Variants in CSNK1G1 observed in about 807,000 individuals in gnomAD.
CSNK1G1 encodes the protein casein kinase 1 gamma 1.
A neutral mutation model predicts 59.6 loss-of-function variants in CSNK1G1; 22 were observed. The observed-to-expected ratio is 0.37, with a 90% CI of 0.26 to 0.53. The LOEUF is 0.53. Ranked by LOEUF, CSNK1G1 falls within the 20% of genes least tolerant of loss-of-function variation. The pLI, the probability that CSNK1G1 is intolerant of heterozygous loss-of-function variation, is 0.89. For missense variants in CSNK1G1, 384 were observed against 519.5 expected (o/e 0.74, Z 2.54); for synonymous variants, 179 against 177.1 (o/e 1.01, Z -0.08).
Position 64,289,624 on chromosome 15 carries a change from TAA to T in CSNK1G1, c.181+10693_181+10694del, listed in dbSNP as rs368512741. Among the ~76,000 whole-genome samples, 426 of 151,990 alleles carry T rather than the reference TAA, an allele frequency of 2.8e-3. 1 individual carries two copies. The highest frequency in any genetic ancestry group is 9.9e-3 in the African/African-American group (412 of 41,454). ...AAAAGCATCTGCACAGCAAAAGAAA[TAA>T]GAGAGTGAACAGACAACCTGCTGAA... On this transcript the variant is annotated intron_variant, in intron 2 of 11. Transcript: ENST00000303052.
chr15:64,218,850 G>A (rs944761212), intron 4 of CSNK1G1, among the ~76,000 whole-genome samples: 2 of 130,256 alleles, frequency 1.5e-5, no homozygotes, highest in Non-Finnish European at 3.1e-5. Flanking sequence ...TTAATTTGAA[G>A]TGTTTTTTTT....
intron 4 of CSNK1G1, among the ~76,000 whole-genome samples, chr15:64,246,382 G>T (rs958950820): frequency 2.0e-5 from 3 of 152,082 alleles, no homozygotes; most frequent in Admixed American, 6.6e-5. Context: ...AGCACTTTGG[G>T]CAGCCAAGGT....
intron 10 of CSNK1G1, among the ~76,000 whole-genome samples, chr15:64,196,612 G>C (rs147917590): frequency 2.6e-5 from 4 of 151,736 alleles, no homozygotes; most frequent in Non-Finnish European, 5.9e-5. Context: ...CCACCATGCC[G>C]GGCTAATTTT....
At chr15:64,260,485 C>A (rs900174178) in intron 2 of CSNK1G1, among the ~76,000 whole-genome samples, 1 of 151,998 alleles carries the variant, frequency 6.6e-6, no homozygotes, top group Non-Finnish European at 1.5e-5. Context: ...GTGGTGTAAT[C>A]CCAACACTTT....
intron 2 of CSNK1G1, chr15:64,265,889 G>C (rs1206984013): frequency 2.2e-6 from 1 of 452,246 alleles, no homozygotes; most frequent in Non-Finnish European, 4.4e-6. Context: ...TTTGAGAGCA[G>C]CTAAGCAACA....
chr15:64,280,318 T>G (rs985733287), intron 2 of CSNK1G1, among the ~76,000 whole-genome samples: 9 of 151,882 alleles, frequency 5.9e-5, no homozygotes, highest in African/African-American at 1.9e-4. Context: ...TGAGCTGATA[T>G]AACAATCGTC....
intron 1 of CSNK1G1, among the ~76,000 whole-genome samples, chr15:64,350,236 G>A (rs1334470326): frequency 1.3e-5 from 2 of 152,134 alleles, no homozygotes; most frequent in Non-Finnish European, 1.5e-5. Context: ...GCTCACACCT[G>A]TAATCCCAGC....
At chr15:64,228,376 G>A (rs1027701710) in intron 4 of CSNK1G1, among the ~76,000 whole-genome samples, 2 of 152,208 alleles carry the variant, frequency 1.3e-5, no homozygotes, top group Admixed American at 6.5e-5. Flanking sequence ...ACCCGGGCAC[G>A]GTGGCTCACG....
intron 4 of CSNK1G1, among the ~76,000 whole-genome samples, chr15:64,220,720 T>G (rs141551289): frequency 0.014 from 2,073 of 152,104 alleles, 27 homozygotes; most frequent in Middle Eastern, 0.041. Flanking sequence ...CTAATTTTTT[T>G]TTTGTTTGTT....
At chr15:64,277,238 G>C (rs2140358526) in intron 2 of CSNK1G1, among the ~76,000 whole-genome samples, 1 of 152,232 alleles carries the variant, frequency 6.6e-6, no homozygotes, top group South Asian at 2.1e-4. Context: ...GTCAAGGTGA[G>C]AGAATCACTT....
Position 64,271,330 on chromosome 15 carries a change from G to A in CSNK1G1, c.182-12089C>T, listed in dbSNP as rs144126121. On this transcript the variant is annotated intron_variant, in intron 2 of 11. Coordinates refer to ENST00000303052, the MANE Select transcript of CSNK1G1 (RefSeq NM_022048.5). Reference sequence around the variant, plus strand: ...TGAGACAGGGTCTCACTCTGTCACCGAGGCTGGACTACAATGGCCCCATCT... The same window carrying A: ...TGAGACAGGGTCTCACTCTGTCACCAAGGCTGGACTACAATGGCCCCATCT... Among the ~76,000 whole-genome samples the A allele has an allele frequency of 2.0e-3, 305 of 151,476 alleles. 2 individuals are homozygous for A. The highest frequency in any genetic ancestry group is 7.1e-3 in the African/African-American group (291 of 41,246).
intron 4 of CSNK1G1, among the ~76,000 whole-genome samples, chr15:64,221,325 A>G (rs976565832): frequency 6.6e-6 from 1 of 152,204 alleles, no homozygotes; most frequent in African/African-American, 2.4e-5. Flanking sequence ...CCTTAGTATC[A>G]AATCTAGATT....
At position 64,176,111 on chromosome 15, in the gene CSNK1G1, C is replaced by T. The variant is rs1415095233; in HGVS notation, c.1215-4126G>A. Among the ~76,000 whole-genome samples the T allele has an allele frequency of 3.3e-5, 5 of 152,178 alleles. No homozygotes were observed. The East Asian group carries it at 9.6e-4, about 29-fold the overall frequency. On this transcript the variant is annotated intron_variant, in intron 11 of 11. Transcript: ENST00000303052. This position sits in a 1 kb window ranked among gnomAD's most constrained non-coding sequence, Gnocchi z 5.2. ...TGGGTACAGGCCTGCCCCATCCCCA[C>T]CTTATGGATCTAGATCCCCAGTCAG... is the stretch of plus-strand genomic sequence containing the variant.
intron 10 of CSNK1G1, among the ~76,000 whole-genome samples, chr15:64,190,746 C>T (rs2081959809): frequency 6.6e-6 from 1 of 152,182 alleles, no homozygotes; most frequent in Non-Finnish European, 1.5e-5. Flanking sequence ...TGTCTATATC[C>T]TCAGAGCACT....
chr15:64,300,613 T>C lies in CSNK1G1; in HGVS notation c.-114A>G, dbSNP rs1895274430. 7.0e-7 allele frequency: 1 copy of C among 1,419,238 alleles called. No individual in the cohort carries two copies. Among genetic ancestry groups the C allele is most frequent in the South Asian group, 1.8e-5 (1 of 54,290 alleles). 87.9% of individuals were successfully genotyped at this position (1,419,238 alleles called of 1,614,324 possible). A position where few individuals can be genotyped will look rare whatever the true frequency, so the allele number is the denominator to read the frequency against. ...GTAGTCAGAGAAAGGTAAGGAGTTC[T>C]TTTAGCACCATATTTGTTTGTAATG... On this transcript the variant is annotated 5_prime_UTR_variant, in exon 2 of 12. Coordinates refer to ENST00000303052, the MANE Select transcript of CSNK1G1 (RefSeq NM_022048.5).
intron 7 of CSNK1G1, 109 bp from the exon 8 acceptor site, chr15:64,205,058 G>A: frequency 3.3e-6 from 2 of 599,938 alleles, no homozygotes; most frequent in Non-Finnish European, 5.7e-6. Flanking sequence ...AGTATTTGTT[G>A]GTCTTGATTT....
intron 10 of CSNK1G1, among the ~76,000 whole-genome samples, chr15:64,202,663 C>G (rs1315198894): frequency 6.6e-6 from 1 of 152,080 alleles, no homozygotes; most frequent in African/African-American, 2.4e-5. Context: ...GGTGATTCTC[C>G]CACCTCAGCC....
chr15:64,292,125 G>T (rs1487008621), intron 2 of CSNK1G1, among the ~76,000 whole-genome samples: 1 of 151,766 alleles, frequency 6.6e-6, no homozygotes, highest in African/African-American at 2.4e-5. Flanking sequence ...CAGGAGAATG[G>T]TGTGAACCTG....
intron 1 of CSNK1G1, among the ~76,000 whole-genome samples, chr15:64,337,674 A>G (rs7180079): frequency 0.79 from 120,352 of 152,082 alleles, 48,876 homozygotes; most frequent in East Asian, 0.95. Context: ...TTATAATTTA[A>G]CCTTTTGTAA....
Sources: gnomAD v4.1 joint callset for allele counts (sites outside exome capture counted in the v4.1 genomes callset) on GRCh38, gnomAD v4.1.1 for gene constraint, Gnocchi (gnomAD v3.1) non-coding constraint, MANE v1.5 for transcripts, NCBI Gene and HGNC (gene_info 2026-07-23, HGNC 2026-07-21) for gene names.